The following SERINC5 variants were observed in gnomAD, a reference collection of about 807,000 sequenced individuals.
The protein encoded by SERINC5 is serine incorporator 5.
A neutral mutation model predicts 63.1 loss-of-function variants in SERINC5; 41 were observed. The ratio of observed to expected loss-of-function variants is 0.65; its 90% CI spans 0.51 to 0.84. SERINC5 has a LOEUF of 0.84. Among genes scored for constraint, SERINC5 ranks in the 40% least tolerant of loss-of-function variants. The probability of loss-of-function intolerance (pLI) is 0.00; values close to 1 mark genes in which losing one functional copy is unlikely to be tolerated. For missense variants in SERINC5, 523 were observed against 573.0 expected (o/e 0.91, Z 0.89); for synonymous variants, 222 against 215.2 (o/e 1.03, Z -0.28).
At chr5:80,153,324 G>C (rs889748292) in intron 8 of SERINC5, among the ~76,000 whole-genome samples, 1 of 151,990 alleles carries the variant, frequency 6.6e-6, no homozygotes, top group Non-Finnish European at 1.5e-5. Flanking sequence ...CGGGCATGGT[G>C]GGGGGCGCCT....
chr5:80,150,259 C>T (rs568422001), intron 9 of SERINC5, among the ~76,000 whole-genome samples: 156 of 152,170 alleles, frequency 1.0e-3, no homozygotes, highest in African/African-American at 3.6e-3. Flanking sequence ...ACCAAGACTC[C>T]ACTACGGCAA....
chr5:80,236,527 CT>C lies in SERINC5; in HGVS notation c.27+19368del, dbSNP rs770470139. Among the ~76,000 whole-genome samples the C allele has an allele frequency of 9.8e-3, 1,400 of 143,532 alleles. 7 individuals are homozygous for C. Among genetic ancestry groups the C allele is most frequent in the Middle Eastern group, 0.04 (11 of 274 alleles). The allele number at this position is 143,532 out of a possible 152,430, so 94.2% of individuals were successfully genotyped here. A position where few individuals can be genotyped will look rare whatever the true frequency, so the allele number is the denominator to read the frequency against. On this transcript the variant is annotated intron_variant, in intron 1 of 11. Transcript: ENST00000507668. ...ACTTCAAGTAGCTTAAGTCCTAAAT[CT>C]TTTTTTTTTTTTTTTCTTGAGACAG...
intron 5 of SERINC5, among the ~76,000 whole-genome samples, chr5:80,171,735 C>A (rs573826367): frequency 6.6e-6 from 1 of 151,824 alleles, no homozygotes; most frequent in African/African-American, 2.4e-5. Flanking sequence ...AAAAAACAAA[C>A]AAAAAAATTA....
At chr5:80,155,457 C>T (rs1387664512) in intron 8 of SERINC5, among the ~76,000 whole-genome samples, 1 of 151,908 alleles carries the variant, frequency 6.6e-6, no homozygotes, top group African/African-American at 2.4e-5. Flanking sequence ...CCTATAATCC[C>T]AGCTCCTCAG....
chr5:80,164,908 C>CTTTTTTTT (rs1747171665), intron 7 of SERINC5, among the ~76,000 whole-genome samples: 4 of 89,992 alleles, frequency 4.4e-5, no homozygotes, highest in African/African-American at 2.1e-4. Context: ...AACTTTTTTT[C>CTTTTTTTT]TGTTTTTTTT....
In SERINC5 at chr5:80,249,692, C is replaced by T. The variant is rs1053745989; in HGVS notation, c.27+6204G>A. ...TGGCGGGCACCTGTAATCCCAGCTA[C>T]TCAGGAGACTGAGGCAGGAGAACTG... On this transcript the variant is annotated intron_variant, in intron 1 of 11. Transcript: ENST00000507668. 1.4e-4 allele frequency among the ~76,000 whole-genome samples: 22 copies of T among 152,010 alleles called. 1 individual carries two copies. Among genetic ancestry groups the T allele is most frequent in the Admixed American group, 1.4e-3 (21 of 15,248 alleles).
intron 1 of SERINC5, among the ~76,000 whole-genome samples, chr5:80,241,567 A>C (rs1228225796): frequency 1.3e-5 from 2 of 151,912 alleles, no homozygotes; most frequent in African/African-American, 4.8e-5. Flanking sequence ...AGAACAGAAG[A>C]GGAAATGAGC....
intron 1 of SERINC5, among the ~76,000 whole-genome samples, chr5:80,206,076 C>A (rs1414079576): frequency 6.6e-6 from 1 of 151,334 alleles, no homozygotes; most frequent in Non-Finnish European, 1.5e-5. Context: ...ACACAACTGG[C>A]ACCAGAAAGG....
rs189740392 is a variant in SERINC5, at chr5:80,131,112, A to G, written c.1238+14978T>C. Among the ~76,000 whole-genome samples the G allele has an allele frequency of 4.9e-4, 74 of 152,252 alleles. 1 individual carries two copies. Among genetic ancestry groups the G allele is most frequent in the Middle Eastern group, 3.4e-3 (1 of 294 alleles). On this transcript the variant is annotated intron_variant, in intron 11 of 12. Transcript: ENST00000509193. ...ACTGATATGGTTTGGCTGTGTCCCTACCCAAATCTCATCTTGAACTGTAGC... is the reference window on the plus strand; with the variant it reads ...ACTGATATGGTTTGGCTGTGTCCCTGCCCAAATCTCATCTTGAACTGTAGC...
chr5:80,198,864 A>T (rs1749663035), intron 2 of SERINC5, among the ~76,000 whole-genome samples: 1 of 152,168 alleles, frequency 6.6e-6, no homozygotes, highest in African/African-American at 2.4e-5. Flanking sequence ...ACCATTTGTA[A>T]ATAGGTACAT....
rs115518303 is a variant in SERINC5 at position 80,151,481 on chromosome 5, G to A, written c.987-533C>T. Among the ~76,000 whole-genome samples the A allele has an allele frequency of 6.8e-3, 1,036 of 152,328 alleles. 9 individuals are homozygous for A. Among genetic ancestry groups the A allele is most frequent in the African/African-American group, 0.022 (898 of 41,570 alleles). On this transcript the variant is annotated intron_variant, in intron 8 of 11. Transcript: ENST00000507668. Reference sequence around the variant, plus strand: ...TCCCTGAGACCTAGAAAGGTAAAATGTTAGACAAATTGCCTTGCATGGGGC... The same window carrying A: ...TCCCTGAGACCTAGAAAGGTAAAATATTAGACAAATTGCCTTGCATGGGGC...
At chr5:80,148,189 C>CTTTTTTTTTTTTTTTTTTTTTTT (rs796769914) in intron 9 of SERINC5, among the ~76,000 whole-genome samples, 14 of 102,328 alleles carry the variant, frequency 1.4e-4, no homozygotes, top group Admixed American at 2.2e-4. Context: ...ATTTTTTATT[C>CTTTTTTTTTTTTTTTTTTTTTTT]TTTTTTTTTT....
chr5:80,111,579 T>C (rs968465171), downstream of SERINC5: 2 of 152,210 alleles, frequency 1.3e-5, no homozygotes, highest in African/African-American at 2.4e-5. Context: ...TATCAGTTAA[T>C]TGCATTCTTT....
chr5:80,164,910 G>GTTTTGTTTTT (rs1747174810), intron 7 of SERINC5, among the ~76,000 whole-genome samples: 3 of 85,190 alleles, frequency 3.5e-5, no homozygotes, highest in African/African-American at 1.5e-4. Context: ...CTTTTTTTCT[G>GTTTTGTTTTT]TTTTTTTTTT....
intron 1 of SERINC5, among the ~76,000 whole-genome samples, chr5:80,210,177 T>A (rs10514178): frequency 6.6e-6 from 1 of 152,116 alleles, no homozygotes; most frequent in African/African-American, 2.4e-5. Context: ...GCAAACATAC[T>A]GCAAAGGAAA....
rs1015046688 is a variant in SERINC5 at position 80,233,807 on chromosome 5, T to C, written c.27+22089A>G. On this transcript the variant is annotated intron_variant, in intron 1 of 11. Transcript: ENST00000507668. ...TTTTATAGATCTTTCAACTTTTACT[T>C]TTTTTTTTTTTTTTTTTTTTTTGAG... Among the ~76,000 whole-genome samples, 942 of 127,384 alleles carry C rather than the reference T, an allele frequency of 7.4e-3. 7 individuals carry two copies. The highest frequency in any genetic ancestry group is 9.9e-3 in the Non-Finnish European group (608 of 61,628). 83.6% of individuals were successfully genotyped at this position (127,384 alleles called of 152,430 possible). A position where few individuals can be genotyped will look rare whatever the true frequency, so the allele number is the denominator to read the frequency against.
chr5:80,173,422 C>T (rs567659472), intron 5 of SERINC5, among the ~76,000 whole-genome samples: 52 of 152,038 alleles, frequency 3.4e-4, no homozygotes, highest in African/African-American at 1.2e-3. Context: ...GGTGAAACCC[C>T]GTCTCTACTA....
chr5:80,203,958 T>G (rs900760978), intron 1 of SERINC5, among the ~76,000 whole-genome samples: 4 of 152,280 alleles, frequency 2.6e-5, no homozygotes, highest in South Asian at 2.1e-4. Context: ...ATCAGCCGCA[T>G]GTACATAATA....
At chr5:80,158,699 T>G (rs1746689668) in intron 8 of SERINC5, 137 bp downstream of exon 8, 6 of 770,624 alleles carry the variant, frequency 7.8e-6, no homozygotes, top group Non-Finnish European at 1.2e-5. Context: ...GAGTTCACGC[T>G]CTTCGCCTTT....
Sources: allele counts gnomAD v4.1 joint callset (sites outside exome capture counted in the v4.1 genomes callset), GRCh38; gene constraint gnomAD v4.1.1; transcripts MANE v1.5; gene names NCBI Gene and HGNC (gene_info 2026-07-23, HGNC 2026-07-21).